ZFHX3: variants seen among roughly 807,000 people sequenced by gnomAD.
ZFHX3 encodes the protein zinc finger homeobox 3, also known as zinc finger homeobox protein 3.
ZFHX3 carries 42 observed loss-of-function variants against 279.1 expected under a neutral mutation model. That is an observed-to-expected ratio of 0.15 (90% CI 0.12 to 0.19). The LOEUF (loss-of-function observed/expected upper bound fraction) is 0.19. Among genes scored for constraint, ZFHX3 ranks in the 10% least tolerant of loss-of-function variants. The pLI is 1.00. For synonymous variants in ZFHX3, 2,293 were observed against 1,957.8 expected, an observed-to-expected ratio of 1.17 and a Z score of -4.52; for missense variants, 4,981 against 4,754.0, an observed-to-expected ratio of 1.05 and a Z score of -1.40.
intron 5 of ZFHX3, among the ~76,000 whole-genome samples, chr16:73,230,841 G>A (rs2012749747): frequency 6.6e-6 from 1 of 152,204 alleles, no homozygotes; most frequent in South Asian, 2.1e-4. Flanking sequence ...CAGTGTTCCT[G>A]CTGCCGCTGC....
At chr16:72,913,344 C>T (rs935559740) in intron 3 of ZFHX3, among the ~76,000 whole-genome samples, 6 of 152,260 alleles carry the variant, frequency 3.9e-5, no homozygotes, top group African/African-American at 9.6e-5. Flanking sequence ...TCTCCTCCAT[C>T]GCCTCCAATC....
At chr16:73,877,031 T>A (rs1271288142) in intron 1 of ZFHX3, among the ~76,000 whole-genome samples, 1 of 149,934 alleles carries the variant, frequency 6.7e-6, no homozygotes, top group African/African-American at 2.5e-5. Context: ...TTTTTAATGA[T>A]GACTTTCAAA....
intron 7 of ZFHX3, among the ~76,000 whole-genome samples, chr16:73,106,644 T>G (rs1483453403): frequency 2.0e-5 from 3 of 152,216 alleles, no homozygotes; most frequent in African/African-American, 7.2e-5. Context: ...GTTGTAATTC[T>G]GTGCAAGTTG....
intron 5 of ZFHX3, among the ~76,000 whole-genome samples, chr16:73,191,296 G>T (rs1007834745): frequency 3.9e-5 from 6 of 152,132 alleles, no homozygotes; most frequent in African/African-American, 1.4e-4. Flanking sequence ...ACGTTCCGTG[G>T]CTCCCCCCGG....
intron 1 of ZFHX3, among the ~76,000 whole-genome samples, chr16:72,988,490 C>A (rs539818220): frequency 9.8e-5 from 15 of 152,340 alleles, no homozygotes; most frequent in African/African-American, 3.6e-4. Flanking sequence ...TCACTCCAGC[C>A]TTCCTCTGAG....
chr16:73,822,827 T>C (rs184474671), intron 1 of ZFHX3, among the ~76,000 whole-genome samples: 4 of 152,372 alleles, frequency 2.6e-5, no homozygotes, highest in Admixed American at 1.3e-4. Flanking sequence ...AGTCATTAAT[T>C]TGTATTCCTT....
intron 1 of ZFHX3, among the ~76,000 whole-genome samples, chr16:73,695,730 G>C (rs2053191797): frequency 1.3e-5 from 2 of 152,300 alleles, no homozygotes; most frequent in Middle Eastern, 6.8e-3. Flanking sequence ...GATGGCCTTT[G>C]TGAAGCTCCG....
chr16:73,559,460 C>T lies in ZFHX3; in HGVS notation c.-1546-103202G>A, dbSNP rs145298668. ...CACTGGGCTTTGATGAAAGCACCCT[C>T]TTTCAGATCTTCTCTCAGGCCTGTT... On this transcript the variant is annotated intron_variant, in intron 2 of 17. Coordinates refer to the ZFHX3 transcript ENST00000641206. Among the ~76,000 whole-genome samples the T allele has an allele frequency of 3.7e-3, 562 of 152,298 alleles. 3 individuals are homozygous for T. Among genetic ancestry groups the T allele is most frequent in the African/African-American group, 0.013 (540 of 41,558 alleles).
At chr16:73,682,968 AAG>A (rs1318395459) in intron 1 of ZFHX3, among the ~76,000 whole-genome samples, 4 of 30,798 alleles carry the variant, frequency 1.3e-4, no homozygotes, top group East Asian at 4.4e-3. Flanking sequence ...GAAAGAAAGA[AAG>A]AAAGAAAGAA....
chr16:73,303,193 G>A (rs1449817975), intron 4 of ZFHX3, among the ~76,000 whole-genome samples: 1 of 152,028 alleles, frequency 6.6e-6, no homozygotes, highest in Non-Finnish European at 1.5e-5. Context: ...CATGCCTGGT[G>A]AAGTTTTAAA....
chr16:72,826,754 A>G (rs2036942315), intron 5 of ZFHX3, among the ~76,000 whole-genome samples: 1 of 152,234 alleles, frequency 6.6e-6, no homozygotes, highest in Admixed American at 6.5e-5. Context: ...TCAATCACTC[A>G]TTCATTCATT....
chr16:73,817,785 G>A (rs190048370), intron 1 of ZFHX3, among the ~76,000 whole-genome samples: 1 of 152,286 alleles, frequency 6.6e-6, no homozygotes, highest in African/African-American at 2.4e-5. Flanking sequence ...AACGCCGAAA[G>A]AAATGCTTAG....
At chr16:73,225,561 GC>G (rs2012567361) in intron 5 of ZFHX3, among the ~76,000 whole-genome samples, 1 of 152,102 alleles carries the variant, frequency 6.6e-6, no homozygotes, top group Admixed American at 6.5e-5. Context: ...CTGCCTTCCA[GC>G]TTGGGTGATG....
chr16:72,908,343 GC>G (rs1254968865), intron 3 of ZFHX3, among the ~76,000 whole-genome samples: 4 of 152,196 alleles, frequency 2.6e-5, no homozygotes, highest in Admixed American at 6.5e-5. Flanking sequence ...CTCACCAGGG[GC>G]CATGAGGCTT....
intron 2 of ZFHX3, among the ~76,000 whole-genome samples, chr16:73,674,940 G>C (rs560818558): frequency 5.9e-5 from 9 of 152,100 alleles, no homozygotes; most frequent in Non-Finnish European, 1.2e-4. Flanking sequence ...CTGGCCTACA[G>C]CACCATGCAT....
At chr16:72,956,699 T>A (rs957128850) in intron 2 of ZFHX3, among the ~76,000 whole-genome samples, 3 of 152,196 alleles carry the variant, frequency 2.0e-5, no homozygotes, top group Non-Finnish European at 2.9e-5. Context: ...AAAAGTTAAC[T>A]TTCCTTGATG....
Position 73,072,440 on chromosome 16 carries a change from G to A in ZFHX3, c.-532-13428C>T, listed in dbSNP as rs1394282698. ...GCCTGAGCAACAAGAGTGAAACTCC[G>A]TCTCAAAAAAAAAAAAAAAAAAGGA... On this transcript the variant is annotated intron_variant, in intron 8 of 17. Transcript: ENST00000641206. Among the ~76,000 whole-genome samples the A allele has an allele frequency of 1.3e-4, 9 of 71,302 alleles. No homozygotes were observed. The South Asian group carries it at 2.2e-3, about 17-fold the overall frequency. 46.8% of individuals were successfully genotyped at this position (71,302 alleles called of 152,430 possible).
At chr16:73,172,124 A>G (rs1449348609) in intron 5 of ZFHX3, among the ~76,000 whole-genome samples, 1 of 152,140 alleles carries the variant, frequency 6.6e-6, no homozygotes, top group Non-Finnish European at 1.5e-5. Context: ...GAAATGGTCC[A>G]TTGATCCCTG....
chr16:72,826,686 T>C (rs1256425632), intron 5 of ZFHX3, among the ~76,000 whole-genome samples: 1 of 152,132 alleles, frequency 6.6e-6, no homozygotes, highest in African/African-American at 2.4e-5. Context: ...CGGGAAAGAA[T>C]TTTCCCTTCT....
Sources: allele counts gnomAD v4.1 joint callset (sites outside exome capture counted in the v4.1 genomes callset), GRCh38; gene constraint gnomAD v4.1.1; transcripts MANE v1.5; gene names NCBI Gene and HGNC (gene_info 2026-07-23, HGNC 2026-07-21).